LRRN2: variants seen among roughly 807,000 people sequenced by gnomAD.
LRRN2 encodes leucine rich repeat neuronal 2, also known as leucine-rich repeat neuronal protein 2.
Under a neutral mutation model 35.7 loss-of-function variants are expected in LRRN2, and 10 were observed. That is an observed-to-expected ratio of 0.28 (90% CI 0.17 to 0.47). LRRN2 has a LOEUF of 0.47. Among genes scored for constraint, LRRN2 ranks in the 20% least tolerant of loss-of-function variants. LRRN2 has a pLI of 0.99. For synonymous variants in LRRN2, 391 were observed against 409.6 expected (o/e 0.95, Z 0.55); for missense variants, 731 against 940.3 (o/e 0.78, Z 2.91).
intron 1 of LRRN2, among the ~76,000 whole-genome samples, chr1:204,673,865 T>G (rs1668761895): frequency 6.6e-6 from 1 of 152,066 alleles, no homozygotes; most frequent in South Asian, 2.1e-4. Context: ...TCTTTGAGTG[T>G]GTGAGAGGCC....
At chr1:204,639,527 C>G (rs1667933864) in intron 1 of LRRN2, among the ~76,000 whole-genome samples, 1 of 152,146 alleles carries the variant, frequency 6.6e-6, no homozygotes, top group Non-Finnish European at 1.5e-5. Context: ...GTAGTCCAAG[C>G]TACTTGAGAG....
At chr1:204,671,394 T>TG (rs879581607) in intron 1 of LRRN2, among the ~76,000 whole-genome samples, 2,708 of 141,994 alleles carry the variant, frequency 0.019, 32 homozygotes, top group Middle Eastern at 0.028. Flanking sequence ...TAGCAATCTG[T>TG]TTGTGTGTTT....
At chr1:204,679,087 C>T (rs989250939) in intron 1 of LRRN2, among the ~76,000 whole-genome samples, 18 of 152,158 alleles carry the variant, frequency 1.2e-4, no homozygotes, top group Non-Finnish European at 1.9e-4. Flanking sequence ...GATGATTCTG[C>T]AGGTCCCCTC....
In LRRN2 at chr1:204,685,598, C is replaced by G. The variant is rs1669054392; in HGVS notation, c.-505G>C. ...GCGGCCGGAGGCTGGCGGGCGAGAG[C>G]CAGGCGCTCCTTGAGAGCGCCGCGC... On this transcript the variant is annotated 5_prime_UTR_variant, in exon 1 of 2. Coordinates refer to ENST00000367177, the MANE Select transcript of LRRN2 (RefSeq NM_201630.2). 6.6e-6 allele frequency: 1 copy of G among 152,016 alleles called. No individual in the cohort carries two copies. Among genetic ancestry groups the G allele is most frequent in the African/African-American group, 2.4e-5 (1 of 41,404 alleles). The allele number at this position is 152,016 out of a possible 1,614,324, so 9.4% of individuals were successfully genotyped here. A position where few individuals can be genotyped will look rare whatever the true frequency, so the allele number is the denominator to read the frequency against.
rs1666441782 is a variant in LRRN2, at chr1:204,617,693, C to T, written c.*158G>A. 1.2e-6 allele frequency: 1 copy of T among 824,750 alleles called. No individual in the cohort carries two copies. The highest frequency in any genetic ancestry group is 1.7e-5 in the South Asian group (1 of 60,486). 51.1% of individuals were successfully genotyped at this position (824,750 alleles called of 1,614,324 possible). On this transcript the variant is annotated 3_prime_UTR_variant, in exon 2 of 2. Transcript: ENST00000367177. The stretch of plus-strand genomic sequence containing the variant: ...AACTTTTTCGAGGCTGCAGAAGCAC[C>T]CCCAGGGCCACAAAGCCCCATCTGT...
At chr1:204,652,271 G>GCCCCCCCCGC (rs139729831) in intron 1 of LRRN2, among the ~76,000 whole-genome samples, 2 of 70,618 alleles carry the variant, frequency 2.8e-5, no homozygotes, top group African/African-American at 1.3e-4. Context: ...CCCCCCCCCC[G>GCCCCCCCCGC]CCCCCCCGCC....
chr1:204,657,716 A>G (rs187653676), intron 1 of LRRN2, among the ~76,000 whole-genome samples: 7 of 152,308 alleles, frequency 4.6e-5, no homozygotes, highest in Admixed American at 3.9e-4. Flanking sequence ...ACACTTTAAA[A>G]TGGTGAATTT....
Position 204,635,541 on chromosome 1 carries a change from A to G in LRRN2, c.-226-15323T>C, listed in dbSNP as rs182603950. Among the ~76,000 whole-genome samples the G allele has an allele frequency of 2.4e-3, 370 of 152,312 alleles. 1 individual carries two copies. Among genetic ancestry groups the G allele is most frequent in the Non-Finnish European group, 2.8e-3 (191 of 68,026 alleles). On this transcript the variant is annotated intron_variant, in intron 1 of 1. Transcript: ENST00000367177. The stretch of plus-strand genomic sequence containing the variant: ...CAGTCCTCTCTTGAGTGTACCAGGC[A>G]TGAAGGGAACAGGAAACCATGCAGG...
chr1:204,656,477 A>G (rs554036651), intron 1 of LRRN2, among the ~76,000 whole-genome samples: 2 of 152,154 alleles, frequency 1.3e-5, no homozygotes, highest in South Asian at 2.1e-4. Context: ...CCTGAGGTTC[A>G]TGTCATCTTT....
intron 1 of LRRN2, among the ~76,000 whole-genome samples, chr1:204,671,355 C>T (rs2782520): frequency 0.91 from 137,727 of 150,796 alleles, 63,812 homozygotes; most frequent in East Asian, 1. Flanking sequence ...GAAGAGCAAG[C>T]TGGGTTGGTG....
At chr1:204,645,769 G>A (rs532453285) in intron 1 of LRRN2, among the ~76,000 whole-genome samples, 5 of 152,226 alleles carry the variant, frequency 3.3e-5, no homozygotes, top group South Asian at 2.1e-4. Context: ...TTCACAGGGC[G>A]GCAGGACGGA....
At position 204,617,542 on chromosome 1, in the gene LRRN2, A is replaced by T. The variant is rs746517087; in HGVS notation, c.*309T>A. ...CCGGGGACACAGGTAGGGGACAGCC[A>T]AGCCAGGCCCAGGAGCCTCTGGGCA... is the stretch of plus-strand genomic sequence containing the variant. On this transcript the variant is annotated 3_prime_UTR_variant, in exon 2 of 2. Transcript: ENST00000367177. The T allele has an allele frequency of 1.3e-4, 48 of 378,228 alleles. No individual in the cohort carries two copies. The highest frequency in any genetic ancestry group is 7.0e-4 in the Admixed American group (16 of 22,936). The allele number at this position is 378,228 out of a possible 1,614,324, so 23.4% of individuals were successfully genotyped here.
intron 1 of LRRN2, among the ~76,000 whole-genome samples, chr1:204,670,687 C>A (rs1668689520): frequency 6.7e-6 from 1 of 149,982 alleles, no homozygotes; most frequent in African/African-American, 2.5e-5. Context: ...CCAGAGAAGC[C>A]AAGAATGTGG....
chr1:204,628,265 G>A lies in LRRN2; in HGVS notation c.-226-8047C>T, dbSNP rs1027673060. The A allele has an allele frequency of 7.2e-5, 11 of 152,352 alleles. No homozygotes were observed. The East Asian group carries it at 1.7e-3, about 24-fold the overall frequency. The allele number at this position is 152,352 out of a possible 1,614,324, so 9.4% of individuals were successfully genotyped here. ...TTGCCAAGCTCCTATGACAGTCTTC[G>A]CCCTTCTGAAGCTCTCTCAGGCTCC... On this transcript the variant is annotated intron_variant, in intron 1 of 1. Transcript: ENST00000367177.
intron 1 of LRRN2, among the ~76,000 whole-genome samples, chr1:204,667,769 C>T (rs12410578): frequency 0.17 from 26,170 of 152,078 alleles, 2,581 homozygotes; most frequent in East Asian, 0.39. Context: ...GGCACCCAGG[C>T]AGAAGGAACG....
intron 1 of LRRN2, among the ~76,000 whole-genome samples, chr1:204,675,196 C>A (rs780787353): frequency 2.4e-4 from 37 of 152,186 alleles, no homozygotes; most frequent in Admixed American, 1.4e-3. Context: ...AGTTCTGAAG[C>A]AATCCCTCCG....
chr1:204,665,905 A>T (rs1175731422), intron 1 of LRRN2, among the ~76,000 whole-genome samples: 2 of 152,168 alleles, frequency 1.3e-5, no homozygotes, highest in South Asian at 4.1e-4. Context: ...AAAACACCCC[A>T]GTAGACTTTT....
At chr1:204,624,341 G>A (rs1667153423) in intron 1 of LRRN2, among the ~76,000 whole-genome samples, 1 of 152,206 alleles carries the variant, frequency 6.6e-6, no homozygotes. Flanking sequence ...CTGAATGGGG[G>A]CTGGGGGCTG....
intron 1 of LRRN2, among the ~76,000 whole-genome samples, chr1:204,676,275 G>T (rs1281130571): frequency 6.6e-6 from 1 of 152,042 alleles, no homozygotes; most frequent in African/African-American, 2.4e-5. Flanking sequence ...CTTCAACACT[G>T]TCCTCTTCCA....
Sources: allele counts gnomAD v4.1 joint callset (sites outside exome capture counted in the v4.1 genomes callset), GRCh38; gene constraint gnomAD v4.1.1; transcripts MANE v1.5; gene names NCBI Gene and HGNC (gene_info 2026-07-23, HGNC 2026-07-21).